The following LRRC63 variants were observed in gnomAD, a reference collection of about 807,000 sequenced individuals.
LRRC63 encodes leucine-rich repeat-containing protein 63.
In LRRC63, 40 loss-of-function variants were observed where a neutral mutation model predicts 49.5. The ratio of observed to expected loss-of-function variants is 0.81; its 90% confidence interval spans 0.63 to 1.05. LRRC63 has a LOEUF of 1.05. Among genes scored for constraint, LRRC63 ranks in the 50% least tolerant of loss-of-function variants. The probability of loss-of-function intolerance (pLI) is 0.00; values close to 1 mark genes in which losing one functional copy is unlikely to be tolerated. For missense variants in LRRC63, 636 were observed against 663.1 expected, an observed-to-expected ratio of 0.96 and a Z score of 0.45; for synonymous variants, 191 against 221.1, an observed-to-expected ratio of 0.86 and a Z score of 1.21.
At chr13:46,249,061 A>T (rs1292619346) in intron 6 of LRRC63, among the ~76,000 whole-genome samples, 1 of 151,954 alleles carries the variant, frequency 6.6e-6, no homozygotes, top group African/African-American at 2.4e-5. Context: ...AGAATAAGTT[A>T]TAAGTGAAAT....
intron 5 of LRRC63, among the ~76,000 whole-genome samples, chr13:46,240,449 C>T (rs1329746534): frequency 6.6e-6 from 1 of 151,936 alleles, no homozygotes; most frequent in Non-Finnish European, 1.5e-5. Context: ...TCTCAACACT[C>T]CTATTCAACA....
At chr13:46,276,828 G>GTGTATA in exon 10 of LRRC63, 2 of 140,034 alleles carry the variant, frequency 1.4e-5, no homozygotes, top group South Asian at 2.5e-4. Flanking sequence ...GTATGTGTGT[G>GTGTATA]TATATATATA....
exon 10 of LRRC63, chr13:46,277,084 C>A (rs566560163): frequency 6.6e-6 from 1 of 151,692 alleles, no homozygotes; most frequent in South Asian, 2.1e-4. Flanking sequence ...TTAGTAAAGC[C>A]TTTAGATTTG....
chr13:46,249,406 A>C (rs2138518917), intron 6 of LRRC63, among the ~76,000 whole-genome samples: 1 of 151,990 alleles, frequency 6.6e-6, no homozygotes, highest in African/African-American at 2.4e-5. Flanking sequence ...AAAAAGACAG[A>C]AGACTTATGT....
chr13:46,243,561 C>CA (rs1267074102), intron 5 of LRRC63, among the ~76,000 whole-genome samples: 1 of 152,094 alleles, frequency 6.6e-6, no homozygotes, highest in Non-Finnish European at 1.5e-5. Context: ...AAGGGATGGA[C>CA]AAAGATATTC....
At chr13:46,218,800 G>A (rs548375568) in intron 2 of LRRC63, among the ~76,000 whole-genome samples, 2 of 152,236 alleles carry the variant, frequency 1.3e-5, no homozygotes, top group South Asian at 2.1e-4. Flanking sequence ...AGGCCTGGTG[G>A]TGACAAAATC....
At chr13:46,275,865 C>A (rs1476308510) in intron 9 of LRRC63, among the ~76,000 whole-genome samples, 3 of 152,162 alleles carry the variant, frequency 2.0e-5, no homozygotes, top group African/African-American at 7.2e-5. Context: ...GCCATAAAAT[C>A]TTTGCCTAGG....
At chr13:46,217,037 G>A (rs1345479212) in intron 2 of LRRC63, among the ~76,000 whole-genome samples, 2 of 152,140 alleles carry the variant, frequency 1.3e-5, no homozygotes, top group African/African-American at 4.8e-5. Context: ...TTTTCACATC[G>A]ATGTTCATCA....
At chr13:46,213,019 CTTA>C (rs1188363383) in exon 2 of LRRC63, 2 of 1,513,362 alleles carry the variant, frequency 1.3e-6, no homozygotes, top group Non-Finnish European at 1.8e-6. Flanking sequence ...AAAAACAGCA[CTTA>C]TTATTCATTA....
chr13:46,224,555 G>T (rs1032646932), intron 2 of LRRC63, among the ~76,000 whole-genome samples: 1 of 151,784 alleles, frequency 6.6e-6, no homozygotes, highest in Non-Finnish European at 1.5e-5. Context: ...TATTTTTCTG[G>T]GATTTCAGCA....
intron 9 of LRRC63, among the ~76,000 whole-genome samples, chr13:46,275,463 T>C (rs143990190): frequency 1.3e-5 from 2 of 152,276 alleles, no homozygotes; most frequent in African/African-American, 2.4e-5. Flanking sequence ...GCTTCTTTTC[T>C]GCGTCTTTAC....
At chr13:46,249,390 C>A (rs1378471687) in intron 6 of LRRC63, among the ~76,000 whole-genome samples, 1 of 151,418 alleles carries the variant, frequency 6.6e-6, no homozygotes, top group Non-Finnish European at 1.5e-5. Context: ...GTAGACTTAA[C>A]AAGAGAAAAA....
intron 2 of LRRC63, among the ~76,000 whole-genome samples, chr13:46,224,981 T>G (rs893726771): frequency 6.6e-6 from 1 of 152,226 alleles, no homozygotes; most frequent in Non-Finnish European, 1.5e-5. Context: ...TGGTGTATGC[T>G]GGCACCTGTG....
intron 7 of LRRC63, among the ~76,000 whole-genome samples, chr13:46,260,506 T>G (rs1283273091): frequency 6.6e-6 from 1 of 152,156 alleles, no homozygotes; most frequent in Non-Finnish European, 1.5e-5. Context: ...TGTATAGAAA[T>G]ATGAAATTGA....
chr13:46,240,100 G>T (rs972538280), intron 5 of LRRC63, among the ~76,000 whole-genome samples: 9 of 151,062 alleles, frequency 6.0e-5, no homozygotes, highest in Non-Finnish European at 1.2e-4. Context: ...ACAAGTCAAG[G>T]ATACCCTCTA....
intron 7 of LRRC63, among the ~76,000 whole-genome samples, chr13:46,252,846 C>G (rs541579228): frequency 9.2e-5 from 14 of 151,786 alleles, no homozygotes; most frequent in Middle Eastern, 3.4e-3. Context: ...AGGGCAATGC[C>G]AAGTGGTAAG....
Position 46,242,131 on chromosome 13 carries a change from G to A in LRRC63, c.991-4396G>A, listed in dbSNP as rs533782282. Among the ~76,000 whole-genome samples, 10 of 152,266 alleles carry A rather than the reference G, an allele frequency of 6.6e-5. No individual in the cohort carries two copies. In the East Asian group the frequency reaches 1.3e-3, roughly 21 times the overall value. ...CATATACACCATAGAATACTATGCTGCCATTAAAAAGAACATGAGCATGTC... is the reference window on the plus strand; with the variant it reads ...CATATACACCATAGAATACTATGCTACCATTAAAAAGAACATGAGCATGTC... On this transcript the variant is annotated intron_variant, in intron 5 of 9. Transcript: ENST00000595396.
intron 2 of LRRC63, among the ~76,000 whole-genome samples, chr13:46,219,662 C>CT (rs1429067565): frequency 1.3e-5 from 2 of 152,148 alleles, no homozygotes; most frequent in Non-Finnish European, 2.9e-5. Flanking sequence ...AGTTGTGATC[C>CT]TTTGGAGGAG....
chr13:46,259,314 G>A (rs2047577588), intron 7 of LRRC63, among the ~76,000 whole-genome samples: 1 of 143,086 alleles, frequency 7.0e-6, no homozygotes, highest in South Asian at 2.2e-4. Context: ...GGGAGAAAAA[G>A]GGAGGTGGGG....
Sources: allele counts gnomAD v4.1 joint callset (sites outside exome capture counted in the v4.1 genomes callset), GRCh38; gene constraint gnomAD v4.1.1; transcripts MANE v1.5; gene names NCBI Gene and HGNC (gene_info 2026-07-23, HGNC 2026-07-21).